MEF2D: variants seen among roughly 807,000 people sequenced by gnomAD.
The protein encoded by MEF2D is myocyte enhancer factor 2D, also known as myocyte-specific enhancer factor 2D.
Under a neutral mutation model 59.3 loss-of-function variants are expected in MEF2D, and 10 were observed. The observed-to-expected ratio is 0.17, with a 90% CI of 0.10 to 0.29. MEF2D has a LOEUF of 0.29. MEF2D is among the 10% of genes least tolerant of loss of function. The probability of loss-of-function intolerance (pLI) is 1.00; values close to 1 mark genes in which losing one functional copy is unlikely to be tolerated. For missense variants in MEF2D, 508 were observed against 699.4 expected (o/e 0.73, Z 3.09); for synonymous variants, 305 against 295.0 (o/e 1.03, Z -0.35).
intron 9 of MEF2D, among the ~76,000 whole-genome samples, chr1:156,471,417 C>T (rs1671227048): frequency 1.3e-5 from 2 of 152,202 alleles, no homozygotes; most frequent in Non-Finnish European, 2.9e-5. Flanking sequence ...GTGTGAGCCA[C>T]CGCGCCCGGC....
At chr1:156,476,421 A>G (rs1671609947) in intron 8 of MEF2D, 73 bp downstream of exon 8, 29 of 1,542,536 alleles carry the variant, frequency 1.9e-5, no homozygotes, top group Non-Finnish European at 2.6e-5. Context: ...ACGCACACGT[A>G]CTTCATGCTG....
intron 1 of MEF2D, among the ~76,000 whole-genome samples, chr1:156,491,886 C>G (rs150236021): frequency 1.3e-5 from 2 of 152,228 alleles, no homozygotes; most frequent in Admixed American, 6.5e-5. Flanking sequence ...TAGGCACTTG[C>G]GGACACCAAG....
chr1:156,499,426 GC>G (rs1184902313), intron 1 of MEF2D: 16 of 152,156 alleles, frequency 1.1e-4, no homozygotes, highest in African/African-American at 3.6e-4. Context: ...ATTCAGAAGG[GC>G]AAACCTGGGA....
intron 1 of MEF2D, among the ~76,000 whole-genome samples, chr1:156,490,080 T>C (rs567162681): frequency 1.0e-3 from 153 of 152,192 alleles, no homozygotes; most frequent in Non-Finnish European, 2.0e-3. Context: ...AGTGAGCTCT[T>C]CCTTCACAAA....
At chr1:156,475,478 C>T (rs1444715261) in intron 8 of MEF2D, among the ~76,000 whole-genome samples, 1 of 152,248 alleles carries the variant, frequency 6.6e-6, no homozygotes, top group African/African-American at 2.4e-5. Context: ...GATGAAGGCA[C>T]GTGTACTGGC....
intron 6 of MEF2D, among the ~76,000 whole-genome samples, chr1:156,478,691 C>T (rs1336104530): frequency 3.3e-5 from 5 of 152,094 alleles, no homozygotes; most frequent in East Asian, 1.9e-4. Context: ...CCACCACACC[C>T]GGCTAATTTT....
chr1:156,496,202 A>T (rs1673119431), intron 1 of MEF2D, among the ~76,000 whole-genome samples: 1 of 152,216 alleles, frequency 6.6e-6, no homozygotes, highest in Non-Finnish European at 1.5e-5. Context: ...TAGGCCAAGG[A>T]TCTACCCCCA....
At chr1:156,473,998 T>G (rs996623692) in intron 9 of MEF2D, among the ~76,000 whole-genome samples, 1 of 152,056 alleles carries the variant, frequency 6.6e-6, no homozygotes, top group Non-Finnish European at 1.5e-5. Context: ...TTCATTCTCT[T>G]CCAGGAAGCT....
intron 9 of MEF2D, among the ~76,000 whole-genome samples, chr1:156,470,566 G>C (rs1671175534): frequency 6.6e-6 from 1 of 152,098 alleles, no homozygotes; most frequent in Admixed American, 6.5e-5. Flanking sequence ...ATTTGCTCCA[G>C]CCCTTTGTTT....
At chr1:156,472,603 C>A (rs1159658186) in intron 9 of MEF2D, among the ~76,000 whole-genome samples, 3 of 152,202 alleles carry the variant, frequency 2.0e-5, no homozygotes, top group Non-Finnish European at 2.9e-5. Flanking sequence ...GGCTGGAGTG[C>A]AGTGGTGCAA....
rs1426608375 is a variant in MEF2D at position 156,482,443 on chromosome 1, G to A, written c.252C>T (p.Ile84=). Residue 84 remains isoleucine (I), a synonymous_variant, in exon 3 of 12, where the codon ATC becomes ATT. Transcript: ENST00000348159. ...EPHESRTNAD[I]IETLRKKGFN... ...CCTGTGTGTATGGGCCCACCTCGAT[G>A]ATGTCGGCGTTGGTGCGGCTCTCGT... 1.9e-6 allele frequency: 3 copies of A among 1,613,990 alleles called. No individual in the cohort carries two copies. The highest frequency in any genetic ancestry group is 2.5e-6 in the Non-Finnish European group (3 of 1,180,038).
At chr1:156,477,306 G>T in intron 6 of MEF2D, 104 bp from the exon 7 acceptor site, 2 of 1,000,894 alleles carry the variant, frequency 2.0e-6, no homozygotes, top group South Asian at 1.7e-5. Flanking sequence ...ACCTCTCAAA[G>T]CCATGCTTAG....
intron 3 of MEF2D, 48 bp from the exon 4 acceptor site, chr1:156,481,019 G>C: frequency 6.2e-7 from 1 of 1,607,982 alleles, no homozygotes; most frequent in Non-Finnish European, 8.5e-7. Context: ...CTTCCCGCCC[G>C]CCTCGCTGGA....
In MEF2D at chr1:156,479,276, A is replaced by AT; in HGVS notation, c.664+13dup. ...CCCCTCCCCACCTCCAGGTAGAAGGATGACTGCACTCACCAACAGGGCTGG... is the reference window on the plus strand; with the variant it reads ...CCCCTCCCCACCTCCAGGTAGAAGGATTGACTGCACTCACCAACAGGGCTGG... On this transcript the variant is annotated intron_variant, in intron 6 of 11. Transcript: ENST00000348159. 1 of 1,603,982 alleles carries AT rather than the reference A, an allele frequency of 6.2e-7. No individual in the cohort carries two copies.
At chr1:156,490,598 C>T (rs1672729716) in intron 1 of MEF2D, 1 of 152,360 alleles carries the variant, frequency 6.6e-6, no homozygotes, top group Non-Finnish European at 1.5e-5. Flanking sequence ...GTCTCAGGCC[C>T]CAGGCACCCT....
chr1:156,500,616 C>G lies in MEF2D; in HGVS notation c.-269G>C, dbSNP rs969210406. 1.3e-5 allele frequency: 2 copies of G among 152,034 alleles called. No individual in the cohort carries two copies. The highest frequency in any genetic ancestry group is 4.8e-5 in the African/African-American group (2 of 41,428). 9.4% of individuals were successfully genotyped at this position (152,034 alleles called of 1,614,324 possible). ...ATAATAAATGAGGCCGGCGTCCGCGCGGGCCCTGGGCGGCGCCGTGAGGCC... is the reference window on the plus strand; with the variant it reads ...ATAATAAATGAGGCCGGCGTCCGCGGGGGCCCTGGGCGGCGCCGTGAGGCC... On this transcript the variant is annotated 5_prime_UTR_variant, in exon 1 of 12. Coordinates refer to ENST00000348159, the MANE Select transcript of MEF2D (RefSeq NM_005920.4).
intron 1 of MEF2D, among the ~76,000 whole-genome samples, chr1:156,485,519 C>T (rs1008460300): frequency 6.0e-5 from 6 of 99,844 alleles, no homozygotes; most frequent in Non-Finnish European, 1.0e-4. Context: ...CCTTCTCCTT[C>T]TTCTTTTTTT....
intron 3 of MEF2D, among the ~76,000 whole-genome samples, chr1:156,481,270 TTCCAGGGGATGGGGCC>T (rs1170715047): frequency 1.3e-5 from 2 of 152,090 alleles, no homozygotes; most frequent in Non-Finnish European, 2.9e-5. Flanking sequence ...GGGAAGGGGC[TTCCAGGGGATGGGGCC>T]TCCAGGGGAT....
intron 11 of MEF2D, 64 bp downstream of exon 11, chr1:156,467,929 G>A: frequency 1.3e-6 from 2 of 1,538,358 alleles, no homozygotes; most frequent in Non-Finnish European, 1.8e-6. Flanking sequence ...CAGGTTAGGG[G>A]GCACGCGGGG....
Sources: allele counts gnomAD v4.1 joint callset (sites outside exome capture counted in the v4.1 genomes callset), GRCh38; gene constraint gnomAD v4.1.1; transcripts MANE v1.5; gene names NCBI Gene and HGNC (gene_info 2026-07-23, HGNC 2026-07-21).